JPH2: variants seen among roughly 807,000 people sequenced by gnomAD.
JPH2 encodes junctophilin-2.
JPH2 carries 38 observed loss-of-function variants against 55.9 expected under a neutral mutation model. The observed-to-expected ratio is 0.68, with a 90% CI of 0.52 to 0.89. The LOEUF is 0.89. Among genes scored for constraint, JPH2 ranks in the 40% least tolerant of loss-of-function variants. The pLI, the probability that JPH2 is intolerant of heterozygous loss-of-function variation, is 0.00. For missense variants in JPH2, 964 were observed against 1,037.6 expected, an observed-to-expected ratio of 0.93 and a Z score of 0.97; for synonymous variants, 480 against 472.4, an observed-to-expected ratio of 1.02 and a Z score of -0.21.
intron 1 of JPH2, among the ~76,000 whole-genome samples, chr20:44,169,677 A>C (rs2072682893): frequency 6.6e-6 from 1 of 152,190 alleles, no homozygotes; most frequent in Non-Finnish European, 1.5e-5. Flanking sequence ...CTGAGGTTGG[A>C]AGATCAGTGT....
chr20:44,135,769 A>T (rs1221959494), intron 2 of JPH2, among the ~76,000 whole-genome samples: 1 of 152,156 alleles, frequency 6.6e-6, no homozygotes, highest in Non-Finnish European at 1.5e-5. Flanking sequence ...ACCCTTAGAA[A>T]TCATCTCATC....
intron 2 of JPH2, among the ~76,000 whole-genome samples, chr20:44,147,814 G>C (rs1422183597): frequency 6.6e-6 from 1 of 152,086 alleles, no homozygotes; most frequent in Non-Finnish European, 1.5e-5. Flanking sequence ...CATACGACTC[G>C]GGTCCAGAAT....
At chr20:44,147,527 C>T (rs1273868404) in intron 2 of JPH2, among the ~76,000 whole-genome samples, 1 of 152,142 alleles carries the variant, frequency 6.6e-6, no homozygotes, top group Non-Finnish European at 1.5e-5. Flanking sequence ...TTATGAAAAA[C>T]AAAAACGAAC....
Position 44,186,859 on chromosome 20 carries a change from A to G in JPH2, c.-154T>C, listed in dbSNP as rs2072851398. ...GGAAGCAGGATGCCAGCAGAGGCTG[A>G]AAGAGCCCCGGCGCCAAGTCAGCAC... is the stretch of plus-strand genomic sequence containing the variant. On this transcript the variant is annotated 5_prime_UTR_variant, in exon 1 of 6. Transcript: ENST00000372980. 1 of 753,572 alleles carries G rather than the reference A, an allele frequency of 1.3e-6. No homozygotes were observed. The highest frequency in any genetic ancestry group is 2.1e-6 in the Non-Finnish European group (1 of 469,682). 46.7% of individuals were successfully genotyped at this position (753,572 alleles called of 1,614,324 possible).
At chr20:44,116,994 T>C (rs547840861) in intron 3 of JPH2, among the ~76,000 whole-genome samples, 14 of 152,176 alleles carry the variant, frequency 9.2e-5, no homozygotes, top group Non-Finnish European at 1.3e-4. Flanking sequence ...TTAAAAACCC[T>C]TCATGGCTGG....
chr20:44,186,190 G>C, intron 1 of JPH2, 137 bp downstream of exon 1: 1 of 935,340 alleles, frequency 1.1e-6, no homozygotes, highest in Non-Finnish European at 1.6e-6. Flanking sequence ...AGAGCAGCTT[G>C]CCCAAAACCA....
chr20:44,134,753 A>C (rs1299829321), intron 2 of JPH2, among the ~76,000 whole-genome samples: 1 of 108,540 alleles, frequency 9.2e-6, no homozygotes, highest in African/African-American at 3.7e-5. Context: ...AGATATATTT[A>C]TTATAAATAT....
At chr20:44,128,707 T>C (rs1000661790) in intron 2 of JPH2, among the ~76,000 whole-genome samples, 8 of 152,006 alleles carry the variant, frequency 5.3e-5, no homozygotes, top group Non-Finnish European at 1.2e-4. Context: ...TTTTTAAAGA[T>C]ACAGAGTCTC....
At chr20:44,179,058 T>G (rs574151236) in intron 1 of JPH2, among the ~76,000 whole-genome samples, 1 of 152,318 alleles carries the variant, frequency 6.6e-6, no homozygotes, top group South Asian at 2.1e-4. Context: ...CTTGGGTTTT[T>G]GACCCAATCG....
intron 1 of JPH2, among the ~76,000 whole-genome samples, chr20:44,180,687 C>T (rs2072774623): frequency 6.6e-6 from 1 of 152,150 alleles, no homozygotes; most frequent in African/African-American, 2.4e-5. Flanking sequence ...ATAAAGTCAT[C>T]AGTGGTTCTG....
At position 44,118,757 on chromosome 20, in the gene JPH2, C is replaced by T; in HGVS notation, c.1170-134G>A. On this transcript the variant is annotated intron_variant, in intron 2 of 5. Coordinates refer to ENST00000372980, the MANE Select transcript of JPH2 (RefSeq NM_020433.5). ...AGGCAGTCAATGAATATTTATTGAGCCTCATGGCCCAGACTGCTATGCATT... is the reference window on the plus strand; with the variant it reads ...AGGCAGTCAATGAATATTTATTGAGTCTCATGGCCCAGACTGCTATGCATT... 5 of 746,810 alleles carry T rather than the reference C, an allele frequency of 6.7e-6. No homozygotes were observed. In the South Asian group the frequency reaches 7.5e-5, roughly 11 times the overall value. The allele number at this position is 746,810 out of a possible 1,614,324, so 46.3% of individuals were successfully genotyped here.
chr20:44,134,093 T>TATAAAA (rs1298261288), intron 2 of JPH2, among the ~76,000 whole-genome samples: 2 of 24,236 alleles, frequency 8.3e-5, no homozygotes, highest in Non-Finnish European at 1.3e-4. Context: ...ATTATAAATA[T>TATAAAA]ATATTTATTA....
At chr20:44,134,884 ATATT>A (rs1350490316) in intron 2 of JPH2, among the ~76,000 whole-genome samples, 43 of 48,018 alleles carry the variant, frequency 9.0e-4, no homozygotes, top group Non-Finnish European at 5.7e-4. Flanking sequence ...ATTTATATAT[ATATT>A]AATATATATT....
intron 2 of JPH2, among the ~76,000 whole-genome samples, chr20:44,156,914 T>A (rs935189213): frequency 2.6e-5 from 4 of 152,208 alleles, no homozygotes; most frequent in Non-Finnish European, 5.9e-5. Flanking sequence ...CACACACTTA[T>A]AGCAGTGTAA....
At chr20:44,155,813 A>C (rs1336864336) in intron 2 of JPH2, among the ~76,000 whole-genome samples, 1 of 152,196 alleles carries the variant, frequency 6.6e-6, no homozygotes, top group Non-Finnish European at 1.5e-5. Context: ...AAGCAAGAGG[A>C]TCACTTGAGT....
At chr20:44,119,227 T>C (rs1018276007) in intron 2 of JPH2, among the ~76,000 whole-genome samples, 1 of 152,232 alleles carries the variant, frequency 6.6e-6, no homozygotes, top group Non-Finnish European at 1.5e-5. Context: ...ACTACTGTAA[T>C]TTTAAAGTAT....
rs1420917761 is a variant in JPH2 at position 44,187,104 on chromosome 20, C to T, written c.-399G>A. ...CCAGCCTTTTCAAAGAGGGGAAATT[C>T]CCCTCGGTGGCAGCCCCCGCCGGAG... On this transcript the variant is annotated 5_prime_UTR_variant, in exon 1 of 6. Coordinates refer to ENST00000372980, the MANE Select transcript of JPH2 (RefSeq NM_020433.5). 5.5e-6 allele frequency: 1 copy of T among 182,840 alleles called. No individual in the cohort carries two copies. Among genetic ancestry groups the T allele is most frequent in the Non-Finnish European group, 1.1e-5 (1 of 88,238 alleles). The allele number at this position is 182,840 out of a possible 1,614,324, so 11.3% of individuals were successfully genotyped here.
intron 2 of JPH2, among the ~76,000 whole-genome samples, chr20:44,134,663 T>TATAA (rs1555855900): frequency 0.028 from 775 of 27,644 alleles, no homozygotes; most frequent in East Asian, 0.082. Flanking sequence ...TATAAATATA[T>TATAA]ATAAATATAT....
chr20:44,116,009 G>C lies in JPH2; in HGVS notation c.1666C>G (p.Arg556Gly), dbSNP rs1339089624. 5.1e-6 allele frequency: 8 copies of C among 1,580,928 alleles called. No homozygotes were observed. Among genetic ancestry groups the C allele is most frequent in the Admixed American group, 1.7e-5 (1 of 57,732 alleles). Reference protein sequence around the residue: ...EALQAPPAPSREPEVALYQGY... With the variant: ...EALQAPPAPSGEPEVALYQGY... The stretch of plus-strand genomic sequence containing the variant: ...TGGTAAAGCGCCACCTCCGGCTCCC[G>C]CGACGGCGCAGGCGGTGCCTGCAGA... The change falls in exon 4 of 6, where the codon CGG becomes GGG. Residue 556 changes from arginine (R) to glycine (G), a missense_variant. Transcript: ENST00000372980.
Sources: allele counts gnomAD v4.1 joint callset (sites outside exome capture counted in the v4.1 genomes callset), GRCh38; gene constraint gnomAD v4.1.1; transcripts MANE v1.5; gene names NCBI Gene and HGNC (gene_info 2026-07-23, HGNC 2026-07-21).